RERGL: variants seen among roughly 807,000 people sequenced by gnomAD.
The protein encoded by RERGL is RERG like, also known as ras-related and estrogen-regulated growth inhibitor-like protein.
RERGL carries 22 observed loss-of-function variants against 24.7 expected under a neutral mutation model. That is an observed-to-expected ratio of 0.89 (90% CI 0.64 to 1.27). The LOEUF (loss-of-function observed/expected upper bound fraction) is 1.27. Ranked by LOEUF, RERGL falls within the 50% of genes most tolerant of loss-of-function variation. The pLI, the probability that RERGL is intolerant of heterozygous loss-of-function variation, is 0.00. For synonymous variants in RERGL, 76 were observed against 82.6 expected (o/e 0.92, Z 0.43); for missense variants, 259 against 235.3 (o/e 1.10, Z -0.66).
chr12:18,087,286 A>G (rs948468235), intron 2 of RERGL, among the ~76,000 whole-genome samples: 1 of 152,190 alleles, frequency 6.6e-6, no homozygotes, highest in Non-Finnish European at 1.5e-5. Context: ...CATCTCTCAG[A>G]GGATTAGGGT....
chr12:18,083,077 G>T (rs368293188), intron 4 of RERGL, among the ~76,000 whole-genome samples: 1 of 152,052 alleles, frequency 6.6e-6, no homozygotes, highest in South Asian at 2.1e-4. Context: ...AAATGACAAT[G>T]TGTGGTGAAC....
intron 4 of RERGL, 26 bp from the exon 5 acceptor site, chr12:18,081,499 G>T: frequency 7.1e-7 from 1 of 1,399,886 alleles, no homozygotes; most frequent in Non-Finnish European, 9.5e-7. Context: ...ACAATTTTTA[G>T]CAAGATTGTT....
intron 1 of RERGL, 32 bp downstream of exon 1, chr12:18,090,057 T>C: frequency 6.6e-7 from 1 of 1,508,714 alleles, no homozygotes; most frequent in South Asian, 1.2e-5. Context: ...CTTTCTACAC[T>C]CTATGATAAC....
At position 18,081,838 on chromosome 12, in the gene RERGL, G is replaced by C. The variant is rs887990563; in HGVS notation, c.333-365C>G. ...CATATTCATCATGGAATACTATGTA[G>C]CCATAAAAAAGAATGAGAGTGGCTG... On this transcript the variant is annotated intron_variant, in intron 4 of 4. Transcript: ENST00000538724. Among the ~76,000 whole-genome samples the C allele has an allele frequency of 2.6e-4, 39 of 152,086 alleles. 1 individual carries two copies. Among genetic ancestry groups the C allele is most frequent in the African/African-American group, 8.9e-4 (37 of 41,430 alleles).
intron 4 of RERGL, among the ~76,000 whole-genome samples, chr12:18,082,336 G>T (rs1248184416): frequency 1.3e-5 from 2 of 152,084 alleles, no homozygotes; most frequent in Non-Finnish European, 2.9e-5. Context: ...CTATTGGAAG[G>T]TCGAGGGTGG....
chr12:18,089,453 G>T, intron 1 of RERGL: 2 of 1,111,702 alleles, frequency 1.8e-6, no homozygotes, highest in Non-Finnish European at 1.2e-6. Context: ...CCTGGGTTTG[G>T]CCAGTTAAGA....
At chr12:18,082,386 T>C (rs1305491856) in intron 4 of RERGL, among the ~76,000 whole-genome samples, 4 of 152,156 alleles carry the variant, frequency 2.6e-5, no homozygotes, top group Non-Finnish European at 5.9e-5. Flanking sequence ...TAACGGGTTC[T>C]AGGCTTCATA....
chr12:18,089,957 G>T, intron 1 of RERGL, 132 bp downstream of exon 1: 1 of 593,608 alleles, frequency 1.7e-6, no homozygotes, highest in Non-Finnish European at 2.6e-6. Context: ...TATCATCCCA[G>T]TGAGATAATG....
At chr12:18,082,150 A>C (rs1947179977) in intron 4 of RERGL, among the ~76,000 whole-genome samples, 1 of 149,530 alleles carries the variant, frequency 6.7e-6, no homozygotes, top group Non-Finnish European at 1.5e-5. Context: ...AACCAAAAAA[A>C]AAAAAAAAAG....
At chr12:18,085,594 T>C in intron 3 of RERGL, 26 bp downstream of exon 3, 1 of 1,349,366 alleles carries the variant, frequency 7.4e-7, no homozygotes, top group African/African-American at 1.5e-5. Flanking sequence ...AATAAATCAA[T>C]AAAAAAGGTG....
chr12:18,083,406 T>G (rs1416418671), intron 4 of RERGL, among the ~76,000 whole-genome samples: 2 of 152,076 alleles, frequency 1.3e-5, no homozygotes, highest in Admixed American at 6.5e-5. Flanking sequence ...TTTAGTCCTG[T>G]CCCTTACCTA....
At chr12:18,081,991 T>C (rs1341221799) in intron 4 of RERGL, among the ~76,000 whole-genome samples, 1 of 151,926 alleles carries the variant, frequency 6.6e-6, no homozygotes, top group Non-Finnish European at 1.5e-5. Flanking sequence ...GTACAAAAAA[T>C]TAGCCTGGCG....
At chr12:18,083,775 T>TAG (rs1381788704) in intron 4 of RERGL, among the ~76,000 whole-genome samples, 3 of 152,182 alleles carry the variant, frequency 2.0e-5, no homozygotes, top group Non-Finnish European at 4.4e-5. Flanking sequence ...GAATACTATT[T>TAG]AGATTCTAAG....
chr12:18,089,126 C>G, intron 1 of RERGL, 170 bp from the exon 2 acceptor site: 2 of 1,171,948 alleles, frequency 1.7e-6, no homozygotes, highest in Non-Finnish European at 2.4e-6. Context: ...TTCCATGGTA[C>G]AAACAAATGA....
chr12:18,086,084 A>G (rs1330039807), intron 2 of RERGL, among the ~76,000 whole-genome samples: 3 of 144,386 alleles, frequency 2.1e-5, no homozygotes, highest in African/African-American at 7.8e-5. Flanking sequence ...CGTGTTAGCC[A>G]GGATGGTCTC....
chr12:18,084,006 G>A (rs1947195886), intron 4 of RERGL, among the ~76,000 whole-genome samples: 1 of 152,108 alleles, frequency 6.6e-6, no homozygotes, highest in African/African-American at 2.4e-5. Flanking sequence ...AAAAGGAATT[G>A]TTGATCAGCC....
rs551436307 is a variant in RERGL at position 18,084,640 on chromosome 12, G to C, written c.209C>G (p.Thr70Arg). The change falls in exon 4 of 5, where the codon ACA becomes AGA. Residue 70 changes from threonine (T) to arginine (R), a missense_variant. Coordinates refer to ENST00000538724, the MANE Select transcript of RERGL (RefSeq NM_001286201.2). ...CCCATCTGCCCAGTGAAGCTCACTT[G>C]TGAGGGAGAATTTTGCTTTCTGTGT... is the stretch of plus-strand genomic sequence containing the variant. ...SQTQKAKFSLTSELHWADGFV... is the reference protein window; with the variant it reads ...SQTQKAKFSLRSELHWADGFV... The C allele has an allele frequency of 1.9e-6, 3 of 1,610,250 alleles. No homozygotes were observed. The highest frequency in any genetic ancestry group is 3.4e-5 in the Admixed American group (2 of 59,270).
At chr12:18,084,029 A>G (rs531290241) in intron 4 of RERGL, among the ~76,000 whole-genome samples, 24 of 152,176 alleles carry the variant, frequency 1.6e-4, no homozygotes, top group Non-Finnish European at 3.1e-4. Context: ...TTAGGAGGTA[A>G]AATGGAGAAA....
intron 2 of RERGL, among the ~76,000 whole-genome samples, chr12:18,088,524 T>C (rs1947240375): frequency 6.6e-6 from 1 of 152,118 alleles, no homozygotes; most frequent in Admixed American, 6.5e-5. Context: ...ACTCCTTTGT[T>C]AGTTGTGGTT....
Sources: gnomAD v4.1 joint callset for allele counts (sites outside exome capture counted in the v4.1 genomes callset) on GRCh38, gnomAD v4.1.1 for gene constraint, MANE v1.5 for transcripts, NCBI Gene and HGNC (gene_info 2026-07-23, HGNC 2026-07-21) for gene names.